NELL1: variants seen among roughly 807,000 people sequenced by gnomAD.
NELL1 encodes neural EGFL like 1.
NELL1 carries 76 observed loss-of-function variants against 107.4 expected under a neutral mutation model. That is an observed-to-expected ratio of 0.71 (90% CI 0.59 to 0.86). The LOEUF (loss-of-function observed/expected upper bound fraction) is 0.86, where lower values mean the gene tolerates loss of function less well. Ranked by LOEUF, NELL1 falls within the 40% of genes least tolerant of loss-of-function variation. The probability of loss-of-function intolerance (pLI) is 0.00; values close to 1 mark genes in which losing one functional copy is unlikely to be tolerated. For synonymous variants in NELL1, 353 were observed against 341.2 expected (o/e 1.03, Z -0.38); for missense variants, 1,024 against 1,005.5 (o/e 1.02, Z -0.25).
At chr11:21,041,426 G>A (rs1014113004) in intron 12 of NELL1, among the ~76,000 whole-genome samples, 1 of 152,162 alleles carries the variant, frequency 6.6e-6, no homozygotes, top group African/African-American at 2.4e-5. Context: ...AAGTCAGAGA[G>A]TCACGTGAAA....
chr11:21,422,723 A>C (rs1236747430), intron 15 of NELL1, among the ~76,000 whole-genome samples: 1 of 152,286 alleles, frequency 6.6e-6, no homozygotes, highest in Admixed American at 6.5e-5. Context: ...AATACCCTAA[A>C]CTACAAAAAG....
chr11:21,570,761 C>A lies in NELL1; in HGVS notation c.1981-3C>A. The A allele has an allele frequency of 6.2e-7, 1 of 1,610,380 alleles. No homozygotes were observed. Among genetic ancestry groups the A allele is most frequent in the Non-Finnish European group, 8.5e-7 (1 of 1,177,780 alleles). On this transcript the variant is annotated splice_polypyrimidine_tract_variant and splice_region_variant and intron_variant, in intron 17 of 19. Transcript: ENST00000357134. Reference sequence around the variant, plus strand: ...AAACCTCCTTAACTTCATTTCTAAACAGGATGGCAAGATATTCTGCCGACG... The same window carrying A: ...AAACCTCCTTAACTTCATTTCTAAAAAGGATGGCAAGATATTCTGCCGACG...
chr11:21,177,295 C>T (rs4335543), intron 13 of NELL1, among the ~76,000 whole-genome samples: 51,977 of 151,434 alleles, frequency 0.34, 9,362 homozygotes, highest in Middle Eastern at 0.38. Context: ...TGGTAACCAC[C>T]GTTTTACTCC....
At position 21,142,496 on chromosome 11, in the gene NELL1, G is replaced by C. The variant is rs139765448; in HGVS notation, c.1426+28782G>C. On this transcript the variant is annotated intron_variant, in intron 13 of 19. Coordinates refer to ENST00000357134, the MANE Select transcript of NELL1 (RefSeq NM_006157.5). ...GGAACTGAGTTATATATAAAAATAG[G>C]ATGGGACAGAGGTTTCCATTTTGCG... is the stretch of plus-strand genomic sequence containing the variant. Among the ~76,000 whole-genome samples the C allele has an allele frequency of 1.4e-3, 209 of 152,354 alleles. 2 individuals are homozygous for C. The South Asian group carries it at 0.024, about 17-fold the overall frequency.
chr11:20,852,215 G>A (rs182988801), intron 4 of NELL1, among the ~76,000 whole-genome samples: 4 of 152,100 alleles, frequency 2.6e-5, no homozygotes, highest in Non-Finnish European at 4.4e-5. Context: ...TCTGCAGCCC[G>A]ATTGTCACCT....
intron 2 of NELL1, among the ~76,000 whole-genome samples, chr11:20,773,949 C>A (rs1856690805): frequency 1.3e-5 from 2 of 152,028 alleles, no homozygotes; most frequent in Non-Finnish European, 2.9e-5. Context: ...GATGACATGA[C>A]CTAAACATGA....
At chr11:21,133,009 A>G (rs750134851) in intron 13 of NELL1, among the ~76,000 whole-genome samples, 1 of 152,088 alleles carries the variant, frequency 6.6e-6, no homozygotes, top group South Asian at 2.1e-4. Flanking sequence ...GGTCATCCCA[A>G]TGAGTATCTG....
chr11:20,674,416 C>A, intron 1 of NELL1: 1 of 1,174,770 alleles, frequency 8.5e-7, no homozygotes, highest in Non-Finnish European at 1.2e-6. Flanking sequence ...TTCCCCGAGT[C>A]CTCATGAGTC....
intron 14 of NELL1, among the ~76,000 whole-genome samples, chr11:21,323,448 C>A (rs921089620): frequency 6.6e-6 from 1 of 152,110 alleles, no homozygotes; most frequent in Non-Finnish European, 1.5e-5. Flanking sequence ...CTTCTGCTTC[C>A]ATTAGTGATG....
At chr11:20,910,712 G>A (rs1850109936) in intron 5 of NELL1, among the ~76,000 whole-genome samples, 1 of 152,328 alleles carries the variant, frequency 6.6e-6, no homozygotes, top group East Asian at 1.9e-4. Flanking sequence ...TTTCTAGATT[G>A]TAGGCTTCAC....
intron 3 of NELL1, among the ~76,000 whole-genome samples, chr11:20,795,536 G>A (rs1289040839): frequency 2.0e-5 from 3 of 152,262 alleles, no homozygotes; most frequent in East Asian, 3.9e-4. Flanking sequence ...ATAGAGCTTT[G>A]TTAAAATGGA....
chr11:20,774,044 GTCCCC>G (rs1176918083), intron 2 of NELL1, among the ~76,000 whole-genome samples: 1 of 33,106 alleles, frequency 3.0e-5, no homozygotes, highest in African/African-American at 1.3e-4. Context: ...CTCCCCTCCT[GTCCCC>G]TCCCCTCCCC....
chr11:20,920,728 G>A (rs1022348092), intron 7 of NELL1, among the ~76,000 whole-genome samples: 5 of 152,040 alleles, frequency 3.3e-5, no homozygotes, highest in Non-Finnish European at 5.9e-5. Flanking sequence ...CGAGGGCGTC[G>A]TTTGCTTTCT....
chr11:21,491,184 A>G (rs969870350), intron 15 of NELL1, among the ~76,000 whole-genome samples: 2 of 152,152 alleles, frequency 1.3e-5, no homozygotes, highest in African/African-American at 4.8e-5. Flanking sequence ...TTTGCTGTGC[A>G]GAAGCTCTTT....
chr11:20,979,951 T>C (rs1315988047), intron 12 of NELL1, among the ~76,000 whole-genome samples: 1 of 152,184 alleles, frequency 6.6e-6, no homozygotes, highest in Non-Finnish European at 1.5e-5. Flanking sequence ...AACAGGACCT[T>C]CTTAAGGTCA....
intron 14 of NELL1, among the ~76,000 whole-genome samples, chr11:21,346,423 C>T (rs1324280250): frequency 6.6e-6 from 1 of 151,158 alleles, no homozygotes; most frequent in Non-Finnish European, 1.5e-5. Context: ...CAACTGTACC[C>T]AAGCCATATA....
chr11:20,934,368 C>G (rs949219081), intron 9 of NELL1, among the ~76,000 whole-genome samples: 2 of 152,164 alleles, frequency 1.3e-5, no homozygotes, highest in Non-Finnish European at 2.9e-5. Context: ...TCACCAGCAC[C>G]AAAGCACCCT....
At chr11:21,035,559 C>A (rs80127794) in intron 12 of NELL1, among the ~76,000 whole-genome samples, 3,584 of 151,638 alleles carry the variant, frequency 0.024, 138 homozygotes, top group African/African-American at 0.081. Context: ...CTTTTTCCCT[C>A]GAACGCAAGC....
At chr11:21,012,028 C>T (rs1852458299) in intron 12 of NELL1, among the ~76,000 whole-genome samples, 1 of 152,092 alleles carries the variant, frequency 6.6e-6, no homozygotes, top group African/African-American at 2.4e-5. Flanking sequence ...TTCTGGGCAC[C>T]ATGCTGAGAG....
Sources: gnomAD v4.1 joint callset for allele counts (sites outside exome capture counted in the v4.1 genomes callset) on GRCh38, gnomAD v4.1.1 for gene constraint, MANE v1.5 for transcripts, NCBI Gene and HGNC (gene_info 2026-07-23, HGNC 2026-07-21) for gene names.